The following PTPRD variants were observed in gnomAD, a reference collection of about 807,000 sequenced individuals.
PTPRD encodes the protein receptor-type tyrosine-protein phosphatase delta.
Under a neutral mutation model 214.5 loss-of-function variants are expected in PTPRD, and 34 were observed. The ratio of observed to expected loss-of-function variants is 0.16; its 90% CI spans 0.12 to 0.21. The LOEUF (loss-of-function observed/expected upper bound fraction) is 0.21. Ranked by LOEUF, PTPRD falls within the 10% of genes least tolerant of loss-of-function variation. PTPRD has a pLI of 1.00. For synonymous variants in PTPRD, 1,128 were observed against 845.7 expected, an observed-to-expected ratio of 1.33 and a Z score of -5.79; for missense variants, 2,545 against 2,398.7, an observed-to-expected ratio of 1.06 and a Z score of -1.27.
chr9:8,574,818 C>G (rs761167465), intron 14 of PTPRD, among the ~76,000 whole-genome samples: 1 of 151,850 alleles, frequency 6.6e-6, no homozygotes, highest in Non-Finnish European at 1.5e-5. Context: ...CTGCTGAACT[C>G]CAAACAAACT....
At chr9:10,027,147 G>A (rs534208409) in intron 4 of PTPRD, among the ~76,000 whole-genome samples, 14 of 152,134 alleles carry the variant, frequency 9.2e-5, no homozygotes, top group Admixed American at 3.9e-4. Flanking sequence ...CACTTGGGGG[G>A]AAATGTCTGC....
intron 35 of PTPRD, among the ~76,000 whole-genome samples, chr9:8,410,699 T>G (rs2093440222): frequency 6.6e-6 from 1 of 152,196 alleles, no homozygotes; most frequent in African/African-American, 2.4e-5. Context: ...CACATATTTT[T>G]GTACACAGTT....
intron 5 of PTPRD, among the ~76,000 whole-genome samples, chr9:9,923,412 A>G (rs979953909): frequency 3.7e-5 from 4 of 108,698 alleles, no homozygotes; most frequent in Non-Finnish European, 6.5e-5. Context: ...ATCATTAAAA[A>G]AATATTTGTG....
chr9:9,846,221 C>CT (rs976652661), intron 5 of PTPRD, among the ~76,000 whole-genome samples: 2 of 152,054 alleles, frequency 1.3e-5, no homozygotes, highest in Non-Finnish European at 2.9e-5. Flanking sequence ...GATTGTAGAT[C>CT]TTTACACCTG....
intron 2 of PTPRD, among the ~76,000 whole-genome samples, chr9:10,403,348 A>C (rs2098307423): frequency 6.7e-6 from 1 of 148,784 alleles, no homozygotes; most frequent in African/African-American, 2.5e-5. Context: ...AGTACACAGA[A>C]AGGATAAGTT....
intron 12 of PTPRD, among the ~76,000 whole-genome samples, chr9:8,661,711 T>G (rs2097057656): frequency 6.6e-6 from 1 of 151,450 alleles, no homozygotes; most frequent in Non-Finnish European, 1.5e-5. Context: ...AGAATGTTGA[T>G]TTATACTTTC....
intron 44 of PTPRD, among the ~76,000 whole-genome samples, chr9:8,327,978 CA>C (rs138318672): frequency 0.013 from 2,031 of 152,154 alleles, 44 homozygotes; most frequent in African/African-American, 0.045. Flanking sequence ...TCCAATTGGC[CA>C]GTGTGTGTCT....
intron 9 of PTPRD, among the ~76,000 whole-genome samples, chr9:9,227,375 C>T (rs1256735137): frequency 1.3e-5 from 2 of 152,078 alleles, no homozygotes; most frequent in Non-Finnish European, 2.9e-5. Flanking sequence ...CAACCTCAGC[C>T]CCTAGCCTGG....
At chr9:9,125,819 A>G (rs1003949724) in intron 10 of PTPRD, among the ~76,000 whole-genome samples, 15 of 152,188 alleles carry the variant, frequency 9.9e-5, no homozygotes, top group Non-Finnish European at 1.6e-4. Context: ...ACAAATAAAG[A>G]GTATCATCAA....
rs545238585 is a variant in PTPRD, at chr9:8,770,154, G to A, written c.-103-36208C>T. On this transcript the variant is annotated intron_variant, in intron 11 of 45. Coordinates refer to ENST00000381196, the MANE Select transcript of PTPRD (RefSeq NM_002839.4). ...AAATTAGCCAGGCTTGGTGGTGCACGCCTGTAATCCCAGCTACTCGGGGGG... is the reference window on the plus strand; with the variant it reads ...AAATTAGCCAGGCTTGGTGGTGCACACCTGTAATCCCAGCTACTCGGGGGG... Among the ~76,000 whole-genome samples, 18 of 152,140 alleles carry A rather than the reference G, an allele frequency of 1.2e-4. No homozygotes were observed. In the South Asian group the frequency reaches 1.9e-3, roughly 16 times the overall value.
chr9:8,899,319 A>C (rs1015152574), intron 11 of PTPRD, among the ~76,000 whole-genome samples: 4 of 152,188 alleles, frequency 2.6e-5, no homozygotes, highest in Non-Finnish European at 5.9e-5. Context: ...TGAGTTGAAC[A>C]TAATGGACTC....
intron 5 of PTPRD, among the ~76,000 whole-genome samples, chr9:9,834,642 G>A (rs1284959003): frequency 1.3e-5 from 2 of 151,998 alleles, no homozygotes; most frequent in Non-Finnish European, 2.9e-5. Context: ...CAAAGCCTCT[G>A]GGGTCATTTC....
chr9:8,956,443 TTTTCTTTC>T (rs558507712), intron 11 of PTPRD, among the ~76,000 whole-genome samples: 1 of 151,938 alleles, frequency 6.6e-6, no homozygotes, highest in South Asian at 2.1e-4. Flanking sequence ...CTATTTTTCT[TTTTCTTTC>T]TTTCTTTCTT....
chr9:8,999,027 C>A (rs1271997165), intron 11 of PTPRD, among the ~76,000 whole-genome samples: 1 of 152,006 alleles, frequency 6.6e-6, no homozygotes, highest in African/African-American at 2.4e-5. Context: ...GCATTTTATG[C>A]ATGAGCCAAG....
At position 10,031,083 on chromosome 9, in the gene PTPRD, G is replaced by A. The variant is rs116401643; in HGVS notation, c.-472+2635C>T. On this transcript the variant is annotated intron_variant, in intron 4 of 45. Coordinates refer to ENST00000381196, the MANE Select transcript of PTPRD (RefSeq NM_002839.4). ...AGAGGAAAAATATGGACAAATTCCAGGGTCCAAGTATAGATACTGTAGCGC... is the reference window on the plus strand; with the variant it reads ...AGAGGAAAAATATGGACAAATTCCAAGGTCCAAGTATAGATACTGTAGCGC... Among the ~76,000 whole-genome samples, 790 of 152,234 alleles carry A rather than the reference G, an allele frequency of 5.2e-3. 8 individuals carry two copies. Among genetic ancestry groups the A allele is most frequent in the African/African-American group, 0.018 (727 of 41,524 alleles).
At chr9:9,447,971 A>G (rs76375436) in intron 8 of PTPRD, among the ~76,000 whole-genome samples, 1,737 of 152,128 alleles carry the variant, frequency 0.011, 40 homozygotes, top group African/African-American at 0.04. Context: ...AGACTGCACT[A>G]GCTTTCATTT....
chr9:9,539,826 G>C (rs1448678188), intron 8 of PTPRD, among the ~76,000 whole-genome samples: 9 of 151,726 alleles, frequency 5.9e-5, no homozygotes, highest in Non-Finnish European at 1.3e-4. Context: ...AGCACATAAA[G>C]GTGAATATAT....
intron 10 of PTPRD, among the ~76,000 whole-genome samples, chr9:9,129,586 T>C (rs2099839466): frequency 6.6e-6 from 1 of 152,202 alleles, no homozygotes; most frequent in South Asian, 2.1e-4. Context: ...TTACAAATTT[T>C]ATATCACTAT....
chr9:10,374,575 T>C (rs1458079645), intron 2 of PTPRD, among the ~76,000 whole-genome samples: 2 of 151,958 alleles, frequency 1.3e-5, no homozygotes, highest in South Asian at 2.1e-4. Flanking sequence ...CAGATTAATA[T>C]ATGAATTGGA....
Sources: allele counts gnomAD v4.1 joint callset (sites outside exome capture counted in the v4.1 genomes callset), GRCh38; gene constraint gnomAD v4.1.1; transcripts MANE v1.5; gene names NCBI Gene and HGNC (gene_info 2026-07-23, HGNC 2026-07-21).